The following TMEM178B variants were observed in gnomAD, a reference collection of about 807,000 sequenced individuals.
The protein encoded by TMEM178B is transmembrane protein 178B.
A neutral mutation model predicts 31.0 loss-of-function variants in TMEM178B; 5 were observed. The observed-to-expected ratio is 0.16, with a 90% CI of 0.08 to 0.34. The LOEUF (loss-of-function observed/expected upper bound fraction) is 0.34, where lower values mean the gene tolerates loss of function less well. Among genes scored for constraint, TMEM178B ranks in the 10% least tolerant of loss-of-function variants. The pLI is 1.00. For missense variants in TMEM178B, 275 were observed against 400.3 expected, an observed-to-expected ratio of 0.69 and a Z score of 2.67; for synonymous variants, 164 against 164.0, an observed-to-expected ratio of 1.00 and a Z score of 0.00.
chr7:141,225,090 G>T (rs1258869582), intron 2 of TMEM178B, among the ~76,000 whole-genome samples: 1 of 152,220 alleles, frequency 6.6e-6, no homozygotes, highest in East Asian at 1.9e-4. Context: ...AAGGTTGCCA[G>T]TGATGGAATT....
At chr7:141,159,324 CT>C (rs1796128405) in intron 1 of TMEM178B, among the ~76,000 whole-genome samples, 1 of 152,208 alleles carries the variant, frequency 6.6e-6, no homozygotes, top group Non-Finnish European at 1.5e-5. Context: ...CTGCTCAAAA[CT>C]GTCAAATGAC....
At chr7:141,203,957 A>C (rs1796920754) in intron 1 of TMEM178B, among the ~76,000 whole-genome samples, 1 of 152,212 alleles carries the variant, frequency 6.6e-6, no homozygotes, top group Non-Finnish European at 1.5e-5. Context: ...GAATACCAAG[A>C]GAGGAAAGGG....
chr7:141,315,231 T>C (rs1798980161), intron 2 of TMEM178B, among the ~76,000 whole-genome samples: 1 of 152,242 alleles, frequency 6.6e-6, no homozygotes, highest in Non-Finnish European at 1.5e-5. Context: ...GTTGCACCTC[T>C]GTCAGATAGA....
chr7:141,310,438 C>T (rs531262166), intron 2 of TMEM178B, among the ~76,000 whole-genome samples: 37 of 152,192 alleles, frequency 2.4e-4, no homozygotes, highest in African/African-American at 8.4e-4. Context: ...CTTTAAATTC[C>T]AAGATACATG....
the TMEM178B span, among the ~76,000 whole-genome samples, chr7:141,490,061 A>T: frequency 6.6e-6 from 1 of 152,116 alleles, no homozygotes; most frequent in East Asian, 1.9e-4. Flanking sequence ...GGAGTATTTG[A>T]CTTAGTGAGG....
chr7:141,317,505 G>A (rs1026296844), intron 2 of TMEM178B, among the ~76,000 whole-genome samples: 2 of 152,168 alleles, frequency 1.3e-5, no homozygotes, highest in African/African-American at 2.4e-5. Flanking sequence ...AAAACAGGTG[G>A]CACTAGCGCT....
At chr7:141,501,917 G>T in the TMEM178B span, among the ~76,000 whole-genome samples, 1 of 152,086 alleles carries the variant, frequency 6.6e-6, no homozygotes, top group African/African-American at 2.4e-5. Context: ...GGAAAACTAG[G>T]CTCCAGATGT....
At chr7:141,159,644 C>T (rs778460084) in intron 1 of TMEM178B, among the ~76,000 whole-genome samples, 11 of 152,120 alleles carry the variant, frequency 7.2e-5, no homozygotes, top group Non-Finnish European at 1.0e-4. Context: ...TTCTGACGCA[C>T]GCTACAACAC....
intron 1 of TMEM178B, among the ~76,000 whole-genome samples, chr7:141,087,289 G>A (rs1228502856): frequency 6.6e-6 from 1 of 152,186 alleles, no homozygotes; most frequent in Non-Finnish European, 1.5e-5. Flanking sequence ...AGAGAAGAGT[G>A]TAGACAGAAT....
chr7:141,158,361 G>A (rs1006501720), intron 1 of TMEM178B, among the ~76,000 whole-genome samples: 3 of 152,198 alleles, frequency 2.0e-5, no homozygotes, highest in African/African-American at 7.2e-5. Flanking sequence ...CTCCCAAAAT[G>A]CTGGGATTAC....
At position 141,440,672 on chromosome 7, in the gene TMEM178B, C is replaced by T. The variant is rs115601642; in HGVS notation, c.634+2927C>T. ...CCAGGTAAATCTGCTTTCTTGGGGA[C>T]ATGCAATCTATTTTTTAAGTGGCAA... On this transcript the variant is annotated intron_variant, in intron 3 of 3. Transcript: ENST00000565468. 9.8e-3 allele frequency among the ~76,000 whole-genome samples: 1,487 copies of T among 152,246 alleles called. 27 individuals carry two copies. The highest frequency in any genetic ancestry group is 0.034 in the African/African-American group (1,413 of 41,544).
intron 2 of TMEM178B, among the ~76,000 whole-genome samples, chr7:141,299,875 C>G (rs1484149958): frequency 6.6e-6 from 1 of 151,990 alleles, no homozygotes; most frequent in Non-Finnish European, 1.5e-5. Context: ...AGCCTTGAAC[C>G]CCTGGCTCAA....
At position 141,480,012 on chromosome 7, in the gene TMEM178B, G is replaced by C. The variant is rs539673833; in HGVS notation, c.*9226G>C. ...TCTTATCAGATCTATTGTACTGTCT[G>C]TTCCTTCTCATAATTAATTAATTAC... is the stretch of plus-strand genomic sequence containing the variant. On this transcript the variant is annotated 3_prime_UTR_variant, in exon 4 of 4. Coordinates refer to ENST00000565468, the MANE Select transcript of TMEM178B (RefSeq NM_001195278.2). 1.3e-5 allele frequency: 2 copies of C among 152,280 alleles called. No individual in the cohort carries two copies. The highest frequency in any genetic ancestry group is 4.8e-5 in the African/African-American group (2 of 41,552). The allele number at this position is 152,280 out of a possible 1,614,324, so 9.4% of individuals were successfully genotyped here.
At chr7:141,490,619 C>T in the TMEM178B span, among the ~76,000 whole-genome samples, 1 of 152,190 alleles carries the variant, frequency 6.6e-6, no homozygotes, top group Admixed American at 6.5e-5. Flanking sequence ...GTCACAACAG[C>T]CCCAGCAAGC....
At chr7:141,356,007 C>T (rs564912718) in intron 2 of TMEM178B, among the ~76,000 whole-genome samples, 21 of 152,302 alleles carry the variant, frequency 1.4e-4, no homozygotes, top group African/African-American at 3.6e-4. Flanking sequence ...AGGATATTGA[C>T]GCCAGCTGCA....
intron 2 of TMEM178B, among the ~76,000 whole-genome samples, chr7:141,420,879 C>G (rs1801194879): frequency 6.6e-6 from 1 of 152,232 alleles, no homozygotes; most frequent in Non-Finnish European, 1.5e-5. Flanking sequence ...TGCATACATA[C>G]ATGGCATTGA....
chr7:141,194,372 G>A (rs777454640), intron 1 of TMEM178B, among the ~76,000 whole-genome samples: 1 of 152,150 alleles, frequency 6.6e-6, no homozygotes, highest in Non-Finnish European at 1.5e-5. Context: ...GCTAAAAACA[G>A]CCATTTCAAA....
chr7:141,376,348 T>C (rs992979007), intron 2 of TMEM178B, among the ~76,000 whole-genome samples: 2 of 152,236 alleles, frequency 1.3e-5, no homozygotes, highest in African/African-American at 4.8e-5. Flanking sequence ...TAAACATTTG[T>C]TATATTACCA....
At chr7:141,264,253 C>T (rs1798059687) in intron 2 of TMEM178B, among the ~76,000 whole-genome samples, 1 of 152,230 alleles carries the variant, frequency 6.6e-6, no homozygotes, top group South Asian at 2.1e-4. Flanking sequence ...CAAACCAAGA[C>T]ACTGCTCTCA....
Sources: allele counts gnomAD v4.1 joint callset (sites outside exome capture counted in the v4.1 genomes callset), GRCh38; gene constraint gnomAD v4.1.1; transcripts MANE v1.5; gene names NCBI Gene and HGNC (gene_info 2026-07-23, HGNC 2026-07-21).